The following CTR9 variants were observed in gnomAD, a reference collection of about 807,000 sequenced individuals.
CTR9 encodes CTR9 component of Paf1/RNA polymerase II complex.
In CTR9, 41 loss-of-function variants were observed where a neutral mutation model predicts 152.1. That is an observed-to-expected ratio of 0.27 (90% CI 0.21 to 0.35). The LOEUF (loss-of-function observed/expected upper bound fraction) is 0.35. Among genes scored for constraint, CTR9 ranks in the 10% least tolerant of loss-of-function variants. CTR9 has a pLI of 1.00. For missense variants in CTR9, 917 were observed against 1,424.4 expected, an observed-to-expected ratio of 0.64 and a Z score of 5.73; for synonymous variants, 476 against 496.2, an observed-to-expected ratio of 0.96 and a Z score of 0.54.
intron 16 of CTR9, among the ~76,000 whole-genome samples, chr11:10,769,230 A>G (rs554448427): frequency 6.6e-6 from 1 of 152,324 alleles, no homozygotes; most frequent in East Asian, 1.9e-4. Flanking sequence ...TCGGGAAAAA[A>G]AAGAAAAAAG....
chr11:10,771,871 C>G (rs935580274), intron 19 of CTR9, among the ~76,000 whole-genome samples: 1 of 152,028 alleles, frequency 6.6e-6, no homozygotes, highest in Non-Finnish European at 1.5e-5. Context: ...TCAGCCTAGT[C>G]AAGATAAAAT....
At chr11:10,753,113 C>G (rs1590016402) in intron 2 of CTR9, among the ~76,000 whole-genome samples, 1 of 152,164 alleles carries the variant, frequency 6.6e-6, no homozygotes, top group African/African-American at 2.4e-5. Flanking sequence ...TGCTGCTTAA[C>G]ATTGTTTCCT....
intron 3 of CTR9, 123 bp from the exon 4 acceptor site, chr11:10,755,547 TAGCTTAAG>T (rs1006118922): frequency 1.7e-6 from 1 of 602,660 alleles, no homozygotes; most frequent in African/African-American, 1.9e-5. Context: ...TGCTTGTTAG[TAGCTTAAG>T]CACGTTACAT....
At chr11:10,778,025 T>G (rs769519715) in intron 24 of CTR9, among the ~76,000 whole-genome samples, 57 of 152,258 alleles carry the variant, frequency 3.7e-4, no homozygotes, top group Non-Finnish European at 7.1e-4. Flanking sequence ...CCCCTTTCCT[T>G]TCACTTATCA....
intron 12 of CTR9, 58 bp downstream of exon 12, chr11:10,764,789 A>G: frequency 7.0e-7 from 1 of 1,430,774 alleles, no homozygotes; most frequent in South Asian, 1.5e-5. Flanking sequence ...AAGAGCAGCA[A>G]AAATTTAGCC....
chr11:10,762,973 A>G (rs982861165), intron 7 of CTR9, among the ~76,000 whole-genome samples: 3 of 150,778 alleles, frequency 2.0e-5, no homozygotes, highest in South Asian at 4.2e-4. Flanking sequence ...GCGCCACTGC[A>G]CTCCAGCCCA....
At chr11:10,768,554 G>C (rs1442560045) in intron 16 of CTR9, 63 bp downstream of exon 16, 1 of 1,499,438 alleles carries the variant, frequency 6.7e-7, no homozygotes, top group African/African-American at 1.4e-5. Context: ...TGTTTTCTTA[G>C]CCATTCTGGC....
Position 10,777,874 on chromosome 11 carries a change from C to A in CTR9, c.3096-805C>A, listed in dbSNP as rs755239849. On this transcript the variant is annotated intron_variant, in intron 24 of 24. Transcript: ENST00000361367. ...TTTATTGGAATATCTGTCATGAAAA[C>A]CAGAACTAAGGAACGTGCCAGAGAA... 3.0e-4 allele frequency among the ~76,000 whole-genome samples: 45 copies of A among 152,168 alleles called. 1 individual carries two copies. The highest frequency in any genetic ancestry group is 6.5e-4 in the Non-Finnish European group (44 of 68,032).
In CTR9 at chr11:10,775,865, C is replaced by A. The variant is rs114386774; in HGVS notation, c.3095+232C>A. On this transcript the variant is annotated intron_variant, in intron 24 of 24. Transcript: ENST00000361367. The stretch of plus-strand genomic sequence containing the variant: ...AATCTGAGAGCTGGAAGAAACTTGA[C>A]CCTGTCATTTTGTCCTACTACATCT... Among the ~76,000 whole-genome samples, 1,384 of 152,178 alleles carry A rather than the reference C, an allele frequency of 9.1e-3. 23 individuals carry two copies. Among genetic ancestry groups the A allele is most frequent in the African/African-American group, 0.032 (1,316 of 41,508 alleles).
At chr11:10,754,678 CA>C (rs1392521839) in intron 2 of CTR9, among the ~76,000 whole-genome samples, 1 of 152,068 alleles carries the variant, frequency 6.6e-6, no homozygotes, top group African/African-American at 2.4e-5. Context: ...TGGAATCACA[CA>C]ATATGTACTC....
chr11:10,772,422 C>A, intron 19 of CTR9, 98 bp from the exon 20 acceptor site: 1 of 1,051,386 alleles, frequency 9.5e-7, no homozygotes, highest in Non-Finnish European at 1.3e-6. Context: ...GCTAATGGTC[C>A]TGCTTCAGAT....
At chr11:10,759,641 A>G (rs2135362271) in intron 5 of CTR9, among the ~76,000 whole-genome samples, 1 of 152,330 alleles carries the variant, frequency 6.6e-6, no homozygotes, top group East Asian at 1.9e-4. Flanking sequence ...AGTAGAGAGA[A>G]AAAATAGGGG....
chr11:10,776,722 C>T (rs143155161), intron 24 of CTR9, among the ~76,000 whole-genome samples: 2,350 of 152,202 alleles, frequency 0.015, 40 homozygotes, highest in Middle Eastern at 0.024. Flanking sequence ...CCTGTAATCC[C>T]AGCACTTTGA....
chr11:10,774,070 T>C lies in CTR9; in HGVS notation c.2786T>C (p.Leu929Pro). Residue 929 changes from leucine to proline, a missense_variant, in exon 22 of 25, where the codon CTA becomes CCA. Transcript: ENST00000361367. ...EFVNDDTDDD[L>P]PISKKKKRRK... ...GTCAATGATGACACTGATGATGACC[T>C]ACCTATATCCAAAAAGAAGAAGAGA... 1 of 1,612,892 alleles carries C rather than the reference T, an allele frequency of 6.2e-7. No individual in the cohort carries two copies. The highest frequency in any genetic ancestry group is 1.3e-5 in the African/African-American group (1 of 74,918).
chr11:10,778,855 C>A lies in CTR9; in HGVS notation c.3272C>A (p.Ser1091Tyr). The A allele has an allele frequency of 6.2e-7, 1 of 1,614,206 alleles. No individual in the cohort carries two copies. Among genetic ancestry groups the A allele is most frequent in the Non-Finnish European group, 8.5e-7 (1 of 1,180,036 alleles). The change falls in exon 25 of 25, where the codon TCC (serine) becomes TAC (tyrosine). Residue 1091 changes from serine (S) to tyrosine (Y), a missense_variant. Physicochemically the swap from Ser to Tyr is moderately radical, Grantham distance 144 (BLOSUM62 -2). Around this residue, in one of 9 missense-constraint regions of CTR9, gnomAD observed 384 missense variants for 398.4 expected, o/e 0.96. Transcript: ENST00000361367. ...SDQDSDSDQP[S>Y]RKRRPSGSEQ... ...CAGGACTCAGACAGTGACCAGCCAT[C>A]CAGAAAGAGAAGGCCCTCCGGTTCT...
At chr11:10,771,697 C>T (rs1383245614) in intron 19 of CTR9, 81 bp downstream of exon 19, 3 of 975,260 alleles carry the variant, frequency 3.1e-6, no homozygotes, top group South Asian at 1.3e-5. Flanking sequence ...CAGTAGGGAA[C>T]AGAGGTTCCT....
At position 10,752,560 on chromosome 11, in the gene CTR9, G is replaced by A. The variant is rs965159311; in HGVS notation, c.46-112G>A. On this transcript the variant is annotated intron_variant, in intron 1 of 24. Transcript: ENST00000361367. ...ATGGATTAGCTCAACCGTATTGAAA[G>A]TGAACACGTACTCTATGTATATGCA... is the stretch of plus-strand genomic sequence containing the variant. The A allele has an allele frequency of 4.2e-6, 3 of 720,826 alleles. No individual in the cohort carries two copies. In the Admixed American group the frequency reaches 6.4e-5, roughly 15 times the overall value. The allele number at this position is 720,826 out of a possible 1,614,324, so 44.7% of individuals were successfully genotyped here. A position where few individuals can be genotyped will look rare whatever the true frequency, so the allele number is the denominator to read the frequency against.
chr11:10,761,804 T>C (rs1862982834), intron 6 of CTR9, 143 bp from the exon 7 acceptor site: 2 of 505,148 alleles, frequency 4.0e-6, no homozygotes, highest in Non-Finnish European at 7.0e-6. Flanking sequence ...AATATAGATA[T>C]TTAAAATCAT....
At chr11:10,775,713 A>G (rs2135385817) in intron 24 of CTR9, 80 bp downstream of exon 24, 1 of 869,570 alleles carries the variant, frequency 1.1e-6, no homozygotes, top group East Asian at 2.8e-5. Context: ...GTCTGTACTA[A>G]GAAAAATATA....
Sources: gnomAD v4.1 joint callset for allele counts (sites outside exome capture counted in the v4.1 genomes callset) on GRCh38, gnomAD v4.1.1 for gene constraint, gnomAD v4.1.1 regional missense constraint, MANE v1.5 for transcripts, NCBI Gene and HGNC (gene_info 2026-07-23, HGNC 2026-07-21) for gene names.